The following FKTN variants were observed in gnomAD, a reference collection of about 807,000 sequenced individuals.
FKTN encodes the protein fukutin.
In FKTN, 47 loss-of-function variants were observed where a neutral mutation model predicts 58.6. The observed-to-expected ratio is 0.80, with a 90% CI of 0.63 to 1.02. The LOEUF (loss-of-function observed/expected upper bound fraction) is 1.02. Among genes scored for constraint, FKTN ranks in the 50% least tolerant of loss-of-function variants. FKTN has a pLI of 0.00. For synonymous variants in FKTN, 178 were observed against 191.9 expected, an observed-to-expected ratio of 0.93 and a Z score of 0.60; for missense variants, 516 against 537.3, an observed-to-expected ratio of 0.96 and a Z score of 0.39.
chr9:105,584,984 GT>G, intron 3 of FKTN, among the ~76,000 whole-genome samples: 1 of 152,250 alleles, frequency 6.6e-6, no homozygotes, highest in East Asian at 1.9e-4. Flanking sequence ...CAATGAGGTG[GT>G]TTCTTCCTGC....
chr9:105,567,635 T>C (rs1230340331), intron 1 of FKTN, among the ~76,000 whole-genome samples: 2 of 152,050 alleles, frequency 1.3e-5, no homozygotes, highest in African/African-American at 2.4e-5. Flanking sequence ...CTCAACGAAA[T>C]AAAAGAGGAC....
chr9:105,638,687 T>C lies in FKTN; in HGVS notation c.*3423T>C. 1 of 861,982 alleles carries C rather than the reference T, an allele frequency of 1.2e-6. No individual in the cohort carries two copies. The highest frequency in any genetic ancestry group is 1.4e-6 in the Non-Finnish European group (1 of 721,670). The allele number at this position is 861,982 out of a possible 1,614,324, so 53.4% of individuals were successfully genotyped here. On this transcript the variant is annotated 3_prime_UTR_variant, in exon 11 of 11. Transcript: ENST00000357998. ...TGGAGTCACTTTGCAGTTTTCAAGA[T>C]TTTTTTTTTATCTGCTTGGCTGGAA...
chr9:105,562,442 G>GTCA (rs1268656372), intron 1 of FKTN, among the ~76,000 whole-genome samples: 2 of 152,188 alleles, frequency 1.3e-5, no homozygotes, highest in African/African-American at 4.8e-5. Context: ...TCTAGGTAGT[G>GTCA]TCAGTTGGTC....
chr9:105,572,403 A>T (rs1467216653), intron 1 of FKTN, among the ~76,000 whole-genome samples: 2 of 152,220 alleles, frequency 1.3e-5, no homozygotes, highest in Admixed American at 1.3e-4. Context: ...TGAGAGAAAG[A>T]GATGTAATTA....
chr9:105,610,239 G>A (rs1318218538), intron 7 of FKTN, among the ~76,000 whole-genome samples: 1 of 152,008 alleles, frequency 6.6e-6, no homozygotes, highest in Admixed American at 6.5e-5. Flanking sequence ...CCTTTTAGAA[G>A]CCAAGACCTG....
intron 3 of FKTN, among the ~76,000 whole-genome samples, chr9:105,583,740 A>G (rs1036750785): frequency 2.0e-5 from 3 of 152,142 alleles, no homozygotes; most frequent in Admixed American, 1.3e-4. Context: ...TGTTTTCCTT[A>G]GGGCATCTGT....
At chr9:105,580,243 C>T (rs371246160) in intron 3 of FKTN, among the ~76,000 whole-genome samples, 140 of 152,122 alleles carry the variant, frequency 9.2e-4, no homozygotes, top group African/African-American at 2.9e-3. Context: ...CGTTAGTTGA[C>T]GCAGTTTCTT....
chr9:105,562,966 C>G (rs955586252), intron 1 of FKTN, among the ~76,000 whole-genome samples: 4 of 152,188 alleles, frequency 2.6e-5, no homozygotes, highest in Non-Finnish European at 4.4e-5. Flanking sequence ...CACTTCCCCC[C>G]ACTCCTGCCT....
chr9:105,607,750 A>G, intron 6 of FKTN, 69 bp from the exon 7 acceptor site: 8 of 1,363,890 alleles, frequency 5.9e-6, no homozygotes, highest in Non-Finnish European at 8.4e-6. Flanking sequence ...CGCATTAGGT[A>G]TTTGTCCTAA....
chr9:105,563,731 G>A (rs1380016026), intron 1 of FKTN, among the ~76,000 whole-genome samples: 2 of 152,198 alleles, frequency 1.3e-5, no homozygotes, highest in African/African-American at 2.4e-5. Flanking sequence ...TGGGGGCAGG[G>A]CATAGCCAAA....
At chr9:105,594,898 GA>G (rs755308760) in intron 3 of FKTN, among the ~76,000 whole-genome samples, 53 of 152,306 alleles carry the variant, frequency 3.5e-4, no homozygotes, top group South Asian at 6.2e-4. Context: ...GAATGATTGT[GA>G]AACATGAATA....
chr9:105,596,884 T>C (rs949944081), intron 4 of FKTN, among the ~76,000 whole-genome samples: 3 of 152,212 alleles, frequency 2.0e-5, no homozygotes, highest in Non-Finnish European at 4.4e-5. Flanking sequence ...TTACTCTCAA[T>C]TCACTTAGAG....
intron 7 of FKTN, among the ~76,000 whole-genome samples, chr9:105,611,810 CATGT>C (rs1829969768): frequency 6.6e-6 from 1 of 152,266 alleles, no homozygotes; most frequent in South Asian, 2.1e-4. Context: ...GGAACACACA[CATGT>C]ATGTGTCTTT....
chr9:105,585,366 C>G (rs1296812440), intron 3 of FKTN, among the ~76,000 whole-genome samples: 1 of 152,124 alleles, frequency 6.6e-6, no homozygotes, highest in Non-Finnish European at 1.5e-5. Flanking sequence ...TTTGAGTTTA[C>G]AGTGAGCTAA....
At chr9:105,576,866 G>A (rs1323850434) in intron 3 of FKTN, among the ~76,000 whole-genome samples, 1 of 100,770 alleles carries the variant, frequency 9.9e-6, no homozygotes, top group Admixed American at 1.1e-4. Flanking sequence ...CATTCTAACT[G>A]GTGTGAGATG....
At chr9:105,603,490 G>A (rs891540499) in intron 5 of FKTN, among the ~76,000 whole-genome samples, 2 of 152,138 alleles carry the variant, frequency 1.3e-5, no homozygotes, top group Non-Finnish European at 2.9e-5. Context: ...ACTATGAGAT[G>A]AAAGAACTAC....
At chr9:105,598,658 G>A (rs961357987) in intron 4 of FKTN, 2 of 152,120 alleles carry the variant, frequency 1.3e-5, no homozygotes, top group Admixed American at 6.6e-5. Flanking sequence ...TCCAAGGAGC[G>A]TTAATGATTG....
At chr9:105,611,325 G>C (rs1282872126) in intron 7 of FKTN, among the ~76,000 whole-genome samples, 1 of 151,970 alleles carries the variant, frequency 6.6e-6, no homozygotes, top group Non-Finnish European at 1.5e-5. Context: ...ATTTGTACTT[G>C]GGATTTATTT....
intron 5 of FKTN, chr9:105,603,864 A>C: frequency 3.2e-6 from 1 of 314,646 alleles, no homozygotes; most frequent in South Asian, 3.0e-5. Context: ...TTTTTTGTAG[A>C]GACAGGTTGC....
Sources: gnomAD v4.1 joint callset for allele counts (sites outside exome capture counted in the v4.1 genomes callset) on GRCh38, gnomAD v4.1.1 for gene constraint, MANE v1.5 for transcripts, NCBI Gene and HGNC (gene_info 2026-07-23, HGNC 2026-07-21) for gene names.